TAF1B: variants seen among roughly 807,000 people sequenced by gnomAD.
TAF1B encodes TATA-box binding protein associated factor, RNA polymerase I subunit B.
Under a neutral mutation model 83.9 loss-of-function variants are expected in TAF1B, and 61 were observed. The ratio of observed to expected loss-of-function variants is 0.73; its 90% confidence interval spans 0.59 to 0.90. TAF1B has a LOEUF of 0.90. TAF1B is among the 40% of genes least tolerant of loss of function. The pLI, the probability that TAF1B is intolerant of heterozygous loss-of-function variation, is 0.00. For missense variants in TAF1B, 625 were observed against 677.0 expected, an observed-to-expected ratio of 0.92 and a Z score of 0.85; for synonymous variants, 221 against 224.6, an observed-to-expected ratio of 0.98 and a Z score of 0.14.
chr2:9,851,556 G>T lies in TAF1B; in HGVS notation c.221G>T (p.Trp74Leu). The change falls in exon 4 of 15, where the codon TGG becomes TTG. Residue 74 changes from tryptophan to leucine, a missense_variant. By Grantham distance (61) the Trp-to-Leu change is moderately conservative (BLOSUM62 -2). Coordinates refer to ENST00000263663, the MANE Select transcript of TAF1B (RefSeq NM_005680.3). ...KKNNTEKGWD[W>L]YVCEGFQYIL... The stretch of plus-strand genomic sequence containing the variant: ...TGTCATTTAGAAAAAGGCTGGGATT[G>T]GTATGTGTGTGAAGGTTTCCAGTAT... The T allele has an allele frequency of 6.2e-7, 1 of 1,606,020 alleles. No homozygotes were observed. Among genetic ancestry groups the T allele is most frequent in the South Asian group, 1.1e-5 (1 of 88,464 alleles).
chr2:9,845,609 T>C, intron 2 of TAF1B: 1 of 315,294 alleles, frequency 3.2e-6, no homozygotes, highest in Non-Finnish European at 6.2e-6. Flanking sequence ...GATGCATTTC[T>C]TTTTATCAGT....
rs546332581 is a variant in TAF1B at position 9,889,078 on chromosome 2, G to A, written c.807+6273G>A. Among the ~76,000 whole-genome samples, 192 of 151,580 alleles carry A rather than the reference G, an allele frequency of 1.3e-3. 2 individuals carry two copies. Among genetic ancestry groups the A allele is most frequent in the African/African-American group, 4.3e-3 (179 of 41,314 alleles). ...CGGCCTCCCAGAGTGCTGGGATTACGGGTGGGGAGCCACTGCACCCAGCCT... is the reference window on the plus strand; with the variant it reads ...CGGCCTCCCAGAGTGCTGGGATTACAGGTGGGGAGCCACTGCACCCAGCCT... On this transcript the variant is annotated intron_variant, in intron 8 of 14. Transcript: ENST00000263663.
At chr2:9,900,044 A>G (rs1265270879) in intron 8 of TAF1B, among the ~76,000 whole-genome samples, 1 of 152,214 alleles carries the variant, frequency 6.6e-6, no homozygotes, top group East Asian at 1.9e-4. Flanking sequence ...ACTCAAAATA[A>G]TGTTCTCACA....
chr2:9,869,707 C>G (rs928742299), intron 6 of TAF1B, among the ~76,000 whole-genome samples: 1 of 151,578 alleles, frequency 6.6e-6, no homozygotes, highest in African/African-American at 2.4e-5. Flanking sequence ...GAAACCCCAT[C>G]TCTACTAAAA....
chr2:9,848,660 C>G (rs1203183481), intron 2 of TAF1B, among the ~76,000 whole-genome samples: 2 of 143,392 alleles, frequency 1.4e-5, no homozygotes, highest in Non-Finnish European at 3.2e-5. Context: ...GAGCGAAACT[C>G]CCTCTCAAAA....
chr2:9,856,181 A>C (rs970984963), intron 5 of TAF1B, among the ~76,000 whole-genome samples: 2 of 152,128 alleles, frequency 1.3e-5, no homozygotes, highest in Non-Finnish European at 2.9e-5. Context: ...GAGCTCCTTC[A>C]GTATCCTCAT....
Position 9,854,408 on chromosome 2 carries a change from G to T in TAF1B, c.386G>T (p.Gly129Val). ...TGTAAGAACCCAGTTTATACCACTGGAAGGAAACCTACGGTAAGTCACAAG... is the reference window on the plus strand; with the variant it reads ...TGTAAGAACCCAGTTTATACCACTGTAAGGAAACCTACGGTAAGTCACAAG... ...AYCKNPVYTT[G>V]RKPTVLEDNL... Residue 129 changes from glycine (G) to valine (V), a missense_variant, in exon 5 of 15, where the codon GGA (glycine) becomes GTA (valine). Physicochemically the swap from Gly to Val is moderately radical, Grantham distance 109. Coordinates refer to ENST00000263663, the MANE Select transcript of TAF1B (RefSeq NM_005680.3). 1 of 1,613,492 alleles carries T rather than the reference G, an allele frequency of 6.2e-7. No individual in the cohort carries two copies. The highest frequency in any genetic ancestry group is 8.5e-7 in the Non-Finnish European group (1 of 1,179,526).
chr2:9,928,130 CCA>C (rs1666100268), intron 14 of TAF1B, among the ~76,000 whole-genome samples: 1 of 152,152 alleles, frequency 6.6e-6, no homozygotes, highest in African/African-American at 2.4e-5. Context: ...AATCGTTTCC[CCA>C]CTTCTTGTTT....
chr2:9,923,299 GA>G (rs1665934436), intron 14 of TAF1B, among the ~76,000 whole-genome samples: 1 of 150,834 alleles, frequency 6.6e-6, no homozygotes, highest in African/African-American at 2.4e-5. Context: ...TTGAACTGTA[GA>G]AAATACAGTG....
chr2:9,888,789 G>GTTTT (rs1558251667), intron 8 of TAF1B, among the ~76,000 whole-genome samples: 1 of 41,320 alleles, frequency 2.4e-5, no homozygotes, highest in African/African-American at 8.2e-5. Flanking sequence ...TCTTCTGCTT[G>GTTTT]GTTTTTTTTT....
intron 6 of TAF1B, among the ~76,000 whole-genome samples, chr2:9,870,452 AC>A (rs1377744190): frequency 6.6e-6 from 1 of 152,078 alleles, no homozygotes; most frequent in African/African-American, 2.4e-5. Flanking sequence ...ATCCCACTGC[AC>A]TCTAGCCCGG....
chr2:9,866,452 A>C (rs1014080135), intron 5 of TAF1B, among the ~76,000 whole-genome samples: 1 of 151,840 alleles, frequency 6.6e-6, no homozygotes. Flanking sequence ...GCTGGAGAGG[A>C]TGTGGAGAAA....
At chr2:9,860,797 G>C (rs72782623) in intron 5 of TAF1B, among the ~76,000 whole-genome samples, 11,274 of 152,284 alleles carry the variant, frequency 0.074, 517 homozygotes, top group Middle Eastern at 0.15. Flanking sequence ...GTGGTTAGTG[G>C]AGCAGTGGGA....
chr2:9,907,071 AG>A lies in TAF1B; in HGVS notation c.955+2066del, dbSNP rs542269595. Among the ~76,000 whole-genome samples the A allele has an allele frequency of 7.8e-3, 1,193 of 152,126 alleles. 16 individuals carry two copies. Among genetic ancestry groups the A allele is most frequent in the African/African-American group, 0.027 (1,120 of 41,494 alleles). On this transcript the variant is annotated intron_variant, in intron 9 of 14. Transcript: ENST00000263663. Reference sequence around the variant, plus strand: ...TTTTTTTATTGTTATTATTTTTAATAGAGATGAGGTCTTGCCATGTTCTCCA... The same window carrying A: ...TTTTTTTATTGTTATTATTTTTAATAAGATGAGGTCTTGCCATGTTCTCCA...
At chr2:9,855,348 C>G (rs1326056526) in intron 5 of TAF1B, among the ~76,000 whole-genome samples, 2 of 152,114 alleles carry the variant, frequency 1.3e-5, no homozygotes, top group Non-Finnish European at 2.9e-5. Flanking sequence ...GGGGTCACAT[C>G]CCGATAAACC....
At chr2:9,873,392 G>T (rs1664227842) in intron 6 of TAF1B, among the ~76,000 whole-genome samples, 1 of 152,114 alleles carries the variant, frequency 6.6e-6, no homozygotes, top group Admixed American at 6.6e-5. Context: ...GTCATTCCTA[G>T]TCCTGCTGCT....
chr2:9,864,367 C>A (rs572123409), intron 5 of TAF1B, among the ~76,000 whole-genome samples: 2 of 152,166 alleles, frequency 1.3e-5, no homozygotes, highest in Non-Finnish European at 2.9e-5. Flanking sequence ...TCGACAAATA[C>A]ACCTTCCCAA....
intron 8 of TAF1B, among the ~76,000 whole-genome samples, chr2:9,898,113 A>AT (rs1488354708): frequency 6.6e-6 from 1 of 151,870 alleles, no homozygotes; most frequent in African/African-American, 2.4e-5. Context: ...TCTGCATTTT[A>AT]TTTTTTGTTT....
intron 8 of TAF1B, among the ~76,000 whole-genome samples, chr2:9,896,747 G>A (rs1010316786): frequency 5.9e-5 from 9 of 151,488 alleles, no homozygotes; most frequent in African/African-American, 2.2e-4. Context: ...CAACAAATCT[G>A]GCAAAACTCA....
Sources: gnomAD v4.1 joint callset for allele counts (sites outside exome capture counted in the v4.1 genomes callset) on GRCh38, gnomAD v4.1.1 for gene constraint, MANE v1.5 for transcripts, NCBI Gene and HGNC (gene_info 2026-07-23, HGNC 2026-07-21) for gene names.